PTPRD: variants seen among roughly 807,000 people sequenced by gnomAD.
PTPRD encodes receptor-type tyrosine-protein phosphatase delta.
A neutral mutation model predicts 214.5 loss-of-function variants in PTPRD; 34 were observed. The ratio of observed to expected loss-of-function variants is 0.16; its 90% CI spans 0.12 to 0.21. The LOEUF is 0.21. Among genes scored for constraint, PTPRD ranks in the 10% least tolerant of loss-of-function variants. PTPRD has a pLI of 1.00. For synonymous variants in PTPRD, 1,128 were observed against 845.7 expected (o/e 1.33, Z -5.79); for missense variants, 2,545 against 2,398.7 (o/e 1.06, Z -1.27).
Position 10,389,650 on chromosome 9 carries a change from T to C in PTPRD, c.-599-48633A>G, listed in dbSNP as rs144437710. Among the ~76,000 whole-genome samples, 271 of 152,008 alleles carry C rather than the reference T, an allele frequency of 1.8e-3. No individual in the cohort carries two copies. The Middle Eastern group carries it at 0.024, about 13-fold the overall frequency. ...TCCATATTCAGATGGTTAAAAGACA[T>C]ACAGCCAAAATCATAGCACATGACC... On this transcript the variant is annotated intron_variant, in intron 2 of 45. Transcript: ENST00000381196.
intron 4 of PTPRD, among the ~76,000 whole-genome samples, chr9:9,964,288 A>T (rs2094546018): frequency 6.6e-6 from 1 of 152,246 alleles, no homozygotes; most frequent in African/African-American, 2.4e-5. Context: ...AGAATGTAAT[A>T]GCAGGCTTGT....
intron 17 of PTPRD, among the ~76,000 whole-genome samples, chr9:8,525,634 T>C (rs2139249826): frequency 6.6e-6 from 1 of 152,280 alleles, no homozygotes; most frequent in East Asian, 1.9e-4. Flanking sequence ...TTCCACGACT[T>C]ACAATCATTT....
intron 35 of PTPRD, among the ~76,000 whole-genome samples, chr9:8,404,869 T>C (rs1286997280): frequency 1.3e-5 from 2 of 151,418 alleles, no homozygotes; most frequent in Non-Finnish European, 3.0e-5. Context: ...GTCACCAACA[T>C]TGATTCAAAT....
intron 5 of PTPRD, among the ~76,000 whole-genome samples, chr9:9,936,748 T>G (rs1379805161): frequency 7.2e-6 from 1 of 139,100 alleles, no homozygotes; most frequent in Non-Finnish European, 1.5e-5. Flanking sequence ...GGACTATAAA[T>G]CATGCTGCTA....
chr9:10,141,735 G>A (rs1399050577), intron 3 of PTPRD, among the ~76,000 whole-genome samples: 3 of 151,986 alleles, frequency 2.0e-5, no homozygotes, highest in Non-Finnish European at 4.4e-5. Context: ...TTTCTTCACA[G>A]AATTGGAAAA....
At chr9:8,687,049 G>A (rs2097695030) in intron 12 of PTPRD, among the ~76,000 whole-genome samples, 1 of 152,110 alleles carries the variant, frequency 6.6e-6, no homozygotes, top group Admixed American at 6.5e-5. Context: ...AAATTATCCT[G>A]GGAGACCTTT....
intron 3 of PTPRD, among the ~76,000 whole-genome samples, chr9:10,140,031 A>T (rs1458541718): frequency 6.6e-6 from 1 of 152,034 alleles, no homozygotes; most frequent in Non-Finnish European, 1.5e-5. Flanking sequence ...ACAAAAATTA[A>T]CAAGTGGGGC....
intron 2 of PTPRD, among the ~76,000 whole-genome samples, chr9:10,470,374 G>C (rs1396064528): frequency 6.6e-6 from 1 of 152,034 alleles, no homozygotes; most frequent in Non-Finnish European, 1.5e-5. Flanking sequence ...AGCTAAAGTA[G>C]ATAAAATTAT....
At chr9:10,263,545 C>T (rs2093839547) in intron 3 of PTPRD, among the ~76,000 whole-genome samples, 2 of 152,076 alleles carry the variant, frequency 1.3e-5, no homozygotes, top group Admixed American at 1.3e-4. Context: ...TGTCCCTGCC[C>T]TAGAGATCTG....
chr9:9,271,502 C>T (rs1166491001), intron 9 of PTPRD, among the ~76,000 whole-genome samples: 1 of 151,222 alleles, frequency 6.6e-6, no homozygotes, highest in Non-Finnish European at 1.5e-5. Context: ...GTAAAAAATC[C>T]ATTTAAAACA....
chr9:8,662,779 T>C (rs2097090656), intron 12 of PTPRD, among the ~76,000 whole-genome samples: 1 of 152,066 alleles, frequency 6.6e-6, no homozygotes, highest in African/African-American at 2.4e-5. Context: ...AAAATGGATA[T>C]TTTTTTTCCA....
intron 12 of PTPRD, among the ~76,000 whole-genome samples, chr9:8,711,971 G>C (rs998490870): frequency 6.6e-6 from 1 of 152,246 alleles, no homozygotes; most frequent in Non-Finnish European, 1.5e-5. Flanking sequence ...TATTGCGGCA[G>C]TGTGAGGGAA....
intron 3 of PTPRD, among the ~76,000 whole-genome samples, chr9:10,241,863 C>A (rs1353740086): frequency 2.0e-5 from 3 of 151,800 alleles, no homozygotes; most frequent in Admixed American, 1.3e-4. Context: ...TGCAATAAAG[C>A]TGTAAAGTTG....
chr9:9,868,542 A>G (rs2064587813), intron 5 of PTPRD, among the ~76,000 whole-genome samples: 1 of 152,014 alleles, frequency 6.6e-6, no homozygotes, highest in Admixed American at 6.6e-5. Context: ...GCTTGAGAAT[A>G]AAAGCTTTCT....
At chr9:8,487,360 G>A (rs1251732239) in intron 27 of PTPRD, among the ~76,000 whole-genome samples, 3 of 152,118 alleles carry the variant, frequency 2.0e-5, no homozygotes, top group African/African-American at 7.2e-5. Context: ...TTAATGGAGA[G>A]CAATTATTAT....
At chr9:8,453,408 C>T (rs1439092910) in intron 33 of PTPRD, among the ~76,000 whole-genome samples, 1 of 152,188 alleles carries the variant, frequency 6.6e-6, no homozygotes, top group Non-Finnish European at 1.5e-5. Flanking sequence ...TTGTGATCCA[C>T]CCGCCTCAGC....
intron 8 of PTPRD, among the ~76,000 whole-genome samples, chr9:9,574,261 AT>A (rs1187341997): frequency 6.6e-6 from 1 of 151,954 alleles, no homozygotes. Context: ...GTCACTTGTT[AT>A]TTATTACCAT....
intron 5 of PTPRD, among the ~76,000 whole-genome samples, chr9:9,870,160 G>A (rs2065054505): frequency 6.6e-6 from 1 of 151,968 alleles, no homozygotes. Context: ...TAAAATCATT[G>A]AAGATGGGTG....
At chr9:9,060,296 A>C (rs2099704697) in intron 10 of PTPRD, among the ~76,000 whole-genome samples, 1 of 152,178 alleles carries the variant, frequency 6.6e-6, no homozygotes, top group Non-Finnish European at 1.5e-5. Flanking sequence ...TCAGAGCAGT[A>C]GGAAATGAAA....
Sources: allele counts gnomAD v4.1 joint callset (sites outside exome capture counted in the v4.1 genomes callset), GRCh38; gene constraint gnomAD v4.1.1; transcripts MANE v1.5; gene names NCBI Gene and HGNC (gene_info 2026-07-23, HGNC 2026-07-21).